The following TNPO1 variants were observed in gnomAD, a reference collection of about 807,000 sequenced individuals.
TNPO1 encodes transportin 1.
TNPO1 carries 8 observed loss-of-function variants against 119.5 expected under a neutral mutation model. That is an observed-to-expected ratio of 0.07 (90% CI 0.04 to 0.12). The LOEUF (loss-of-function observed/expected upper bound fraction) is 0.12. Among genes scored for constraint, TNPO1 ranks in the 10% least tolerant of loss-of-function variants. The pLI, the probability that TNPO1 is intolerant of heterozygous loss-of-function variation, is 1.00. For missense variants in TNPO1, 576 were observed against 1,089.8 expected, an observed-to-expected ratio of 0.53 and a Z score of 6.64; for synonymous variants, 362 against 363.0, an observed-to-expected ratio of 1.00 and a Z score of 0.03.
In TNPO1 at chr5:72,868,456, A is replaced by AC. The variant is rs1747113899; in HGVS notation, c.596+2727_596+2728insC. On this transcript the variant is annotated intron_variant, in intron 6 of 24. Coordinates refer to ENST00000337273, the MANE Select transcript of TNPO1 (RefSeq NM_002270.4). The stretch of plus-strand genomic sequence containing the variant: ...CAAAAAAAAAAAAAAAAAAAAAAAA[A>AC]AAACACAAAATAATATATCAGGCAT... Among the ~76,000 whole-genome samples the AC allele has an allele frequency of 2.0e-4, 27 of 133,174 alleles. 2 individuals carry two copies. The highest frequency in any genetic ancestry group is 4.4e-4 in the Non-Finnish European group (25 of 57,006). The allele number at this position is 133,174 out of a possible 152,430, so 87.4% of individuals were successfully genotyped here.
chr5:72,912,390 A>G lies in TNPO1; in HGVS notation c.*3717A>G, dbSNP rs1054291915. 6 of 152,526 alleles carry G rather than the reference A, an allele frequency of 3.9e-5. No homozygotes were observed. The highest frequency in any genetic ancestry group is 2.1e-4 in the South Asian group (1 of 4,828). The allele number at this position is 152,526 out of a possible 1,614,324, so 9.4% of individuals were successfully genotyped here. On this transcript the variant is annotated 3_prime_UTR_variant, in exon 25 of 25. Coordinates refer to ENST00000337273, the MANE Select transcript of TNPO1 (RefSeq NM_002270.4). ...AGATGTATATTTTAAACTAATTTCA[A>G]TGGATTTTCCTCTTGAAATGCTTTG...
At chr5:72,884,960 T>C (rs1363072374) in intron 11 of TNPO1, among the ~76,000 whole-genome samples, 1 of 152,178 alleles carries the variant, frequency 6.6e-6, no homozygotes, top group Non-Finnish European at 1.5e-5. Flanking sequence ...AGTGTTGGGA[T>C]TTCTAATAAC....
At chr5:72,891,619 G>A (rs1212438459) in intron 14 of TNPO1, among the ~76,000 whole-genome samples, 191 bp from the exon 15 acceptor site, 2 of 152,152 alleles carry the variant, frequency 1.3e-5, no homozygotes, top group African/African-American at 4.8e-5. Flanking sequence ...ACACGGTCAT[G>A]TAAGTATAAA....
At chr5:72,895,771 CT>C (rs1162815469) in intron 18 of TNPO1, among the ~76,000 whole-genome samples, 2 of 151,924 alleles carry the variant, frequency 1.3e-5, no homozygotes, top group Admixed American at 6.6e-5. Flanking sequence ...ATACTTGATT[CT>C]TTTTTTTATT....
Position 72,909,151 on chromosome 5 carries a change from T to TA in TNPO1, c.*479dup, listed in dbSNP as rs1561369206. Reference sequence around the variant, plus strand: ...TTTTTTTTTTAATTTAAAGTTTTTTTATGTAAGTTTTCCCACATGATGGGG... The same window carrying TA: ...TTTTTTTTTTAATTTAAAGTTTTTTTAATGTAAGTTTTCCCACATGATGGGG... On this transcript the variant is annotated 3_prime_UTR_variant, in exon 25 of 25. Coordinates refer to ENST00000337273, the MANE Select transcript of TNPO1 (RefSeq NM_002270.4). 1 of 155,082 alleles carries TA rather than the reference T, an allele frequency of 6.4e-6. No individual in the cohort carries two copies. Among genetic ancestry groups the TA allele is most frequent in the African/African-American group, 2.4e-5 (1 of 41,344 alleles). The allele number at this position is 155,082 out of a possible 1,614,324, so 9.6% of individuals were successfully genotyped here.
chr5:72,877,638 C>T (rs1427298011), intron 9 of TNPO1, among the ~76,000 whole-genome samples: 1 of 151,694 alleles, frequency 6.6e-6, no homozygotes, highest in East Asian at 1.9e-4. Context: ...AAAAACAATC[C>T]TTGTTATTTA....
chr5:72,844,593 A>G (rs1019549965), intron 1 of TNPO1, among the ~76,000 whole-genome samples: 5 of 152,250 alleles, frequency 3.3e-5, no homozygotes, highest in Admixed American at 6.5e-5. Flanking sequence ...AAAGCCATTC[A>G]TTTAACTATA....
chr5:72,900,151 A>G (rs1749706625), intron 21 of TNPO1, 70 bp downstream of exon 21: 1 of 1,352,146 alleles, frequency 7.4e-7, no homozygotes, highest in Non-Finnish European at 1.0e-6. Flanking sequence ...TCACTTTTAG[A>G]TATATTTTCA....
At position 72,848,106 on chromosome 5, in the gene TNPO1, T is replaced by A. The variant is rs560459149; in HGVS notation, c.16-279T>A. On this transcript the variant is annotated intron_variant, in intron 1 of 24. Transcript: ENST00000337273. Reference sequence around the variant, plus strand: ...CCCGTGAGCGGATCTTGGGGCCAGATTGCAAATTCGCGGTGACTCAGTCTG... The same window carrying A: ...CCCGTGAGCGGATCTTGGGGCCAGAATGCAAATTCGCGGTGACTCAGTCTG... 3.8e-5 allele frequency: 43 copies of A among 1,119,106 alleles called. No homozygotes were observed. In the East Asian group the frequency reaches 2.2e-3, roughly 57 times the overall value. The allele number at this position is 1,119,106 out of a possible 1,614,324, so 69.3% of individuals were successfully genotyped here.
chr5:72,889,385 A>T (rs1168704250), intron 13 of TNPO1, among the ~76,000 whole-genome samples: 1 of 152,074 alleles, frequency 6.6e-6, no homozygotes, highest in Non-Finnish European at 1.5e-5. Flanking sequence ...TTTGACCTTA[A>T]TCCATCTGAA....
chr5:72,890,177 A>G (rs113200512), intron 14 of TNPO1, among the ~76,000 whole-genome samples: 1 of 152,238 alleles, frequency 6.6e-6, no homozygotes, highest in African/African-American at 2.4e-5. Flanking sequence ...GCAGCATTTC[A>G]CATGAATGCT....
chr5:72,831,618 T>C (rs2030743502), intron 1 of TNPO1, among the ~76,000 whole-genome samples: 2 of 151,994 alleles, frequency 1.3e-5, no homozygotes, highest in Non-Finnish European at 2.9e-5. Flanking sequence ...ATAACTCCTG[T>C]TATCTAAGTA....
At chr5:72,852,685 A>G (rs1161327532) in intron 3 of TNPO1, among the ~76,000 whole-genome samples, 5 of 152,196 alleles carry the variant, frequency 3.3e-5, no homozygotes, top group Admixed American at 1.3e-4. Context: ...ATTGTGTAGT[A>G]AAAACTCACT....
rs1750658983 is a variant in TNPO1 at position 72,912,929 on chromosome 5, T to C, written c.*4256T>C. 6.6e-6 allele frequency: 1 copy of C among 152,518 alleles called. No homozygotes were observed. Among genetic ancestry groups the C allele is most frequent in the Admixed American group, 6.5e-5 (1 of 15,272 alleles). 9.4% of individuals were successfully genotyped at this position (152,518 alleles called of 1,614,324 possible). On this transcript the variant is annotated 3_prime_UTR_variant, in exon 25 of 25. Coordinates refer to ENST00000337273, the MANE Select transcript of TNPO1 (RefSeq NM_002270.4). ...ATAACTGCAATTTAAGTCCTTCCTT[T>C]GATAATACTTCAAAACATACACAGC... is the stretch of plus-strand genomic sequence containing the variant.
intron 1 of TNPO1, among the ~76,000 whole-genome samples, chr5:72,838,682 G>C (rs78277859): frequency 2.0e-5 from 3 of 152,110 alleles, no homozygotes; most frequent in Non-Finnish European, 4.4e-5. Context: ...ATCAGCAAAT[G>C]TATAATCAGC....
At chr5:72,834,572 A>C (rs1020689300) in intron 1 of TNPO1, among the ~76,000 whole-genome samples, 8 of 152,250 alleles carry the variant, frequency 5.3e-5, no homozygotes, top group African/African-American at 1.9e-4. Context: ...TACAGCTATA[A>C]GGAGAAAATA....
Position 72,896,485 on chromosome 5 carries a change from A to G in TNPO1, c.2171A>G (p.Asn724Ser), listed in dbSNP as rs1365638448. The G allele has an allele frequency of 6.2e-7, 1 of 1,612,190 alleles. No homozygotes were observed. The highest frequency in any genetic ancestry group is 1.3e-5 in the African/African-American group (1 of 74,970). The change falls in exon 19 of 25, where the codon AAC becomes AGC. Residue 724 changes from asparagine to serine, a missense_variant. Coordinates refer to ENST00000337273, the MANE Select transcript of TNPO1 (RefSeq NM_002270.4). ...IADFMPILGT[N>S]LNPEFISVCN... The stretch of plus-strand genomic sequence containing the variant: ...GATTTCATGCCAATATTGGGAACCA[A>G]CCTAAATCCAGAATTCATTTCAGTC...
intron 6 of TNPO1, among the ~76,000 whole-genome samples, chr5:72,868,963 G>A (rs1363976765): frequency 5.9e-5 from 9 of 152,062 alleles, no homozygotes; most frequent in East Asian, 1.9e-4. Context: ...AGCCGAGATC[G>A]TGCCATTGCA....
chr5:72,824,173 C>G (rs1744106235), intron 1 of TNPO1, among the ~76,000 whole-genome samples: 1 of 152,190 alleles, frequency 6.6e-6, no homozygotes, highest in South Asian at 2.1e-4. Flanking sequence ...CTCATCTGCT[C>G]AAGGACTTTG....
Sources: allele counts gnomAD v4.1 joint callset (sites outside exome capture counted in the v4.1 genomes callset), GRCh38; gene constraint gnomAD v4.1.1; transcripts MANE v1.5; gene names NCBI Gene and HGNC (gene_info 2026-07-23, HGNC 2026-07-21).